MS4A7: variants seen among roughly 807,000 people sequenced by gnomAD.
MS4A7 encodes the protein membrane spanning 4-domains A7.
In MS4A7, 21 loss-of-function variants were observed where a neutral mutation model predicts 23.5. The observed-to-expected ratio is 0.89, with a 90% confidence interval of 0.63 to 1.29. MS4A7 has a LOEUF of 1.29. MS4A7 is among the 50% of genes most tolerant of loss of function. The pLI is 0.00. For missense variants in MS4A7, 263 were observed against 274.2 expected, an observed-to-expected ratio of 0.96 and a Z score of 0.29; for synonymous variants, 111 against 107.4, an observed-to-expected ratio of 1.03 and a Z score of -0.21.
rs758439384 is a variant in MS4A7 at position 60,389,579 on chromosome 11, A to C, written c.529A>C (p.Thr177Pro). 1 of 1,613,676 alleles carries C rather than the reference A, an allele frequency of 6.2e-7. No individual in the cohort carries two copies. Among genetic ancestry groups the C allele is most frequent in the South Asian group, 1.1e-5 (1 of 91,072 alleles). Residue 177 changes from threonine (T) to proline (P), a missense_variant, in exon 5 of 7, where the codon ACC (threonine) becomes CCC (proline). By Grantham distance (38) the Thr-to-Pro change is conservative. Coordinates refer to ENST00000300184, the MANE Select transcript of MS4A7 (RefSeq NM_021201.5). ...ATATGAAATCAAAGATTGTCTCCTG[A>C]CCAGTGTCAGTTTAACAGTGAGTAG... ...PIYEIKDCLLTSVSLTGVLVV... is the reference protein window; with the variant it reads ...PIYEIKDCLLPSVSLTGVLVV...
rs1441431625 is a variant in MS4A7, at chr11:60,395,554, G to A, written c.*1693G>A. 6.6e-6 allele frequency: 1 copy of A among 152,008 alleles called. No homozygotes were observed. Among genetic ancestry groups the A allele is most frequent in the Non-Finnish European group, 1.5e-5 (1 of 67,970 alleles). The allele number at this position is 152,008 out of a possible 1,614,324, so 9.4% of individuals were successfully genotyped here. A position where few individuals can be genotyped will look rare whatever the true frequency, so the allele number is the denominator to read the frequency against. ...TTTAGGAATATAAAGGATCAATATG[G>A]GAAGCAAAATTTCTAAAGGCAGTTT... On this transcript the variant is annotated 3_prime_UTR_variant, in exon 7 of 7. Transcript: ENST00000300184.
At position 60,389,570 on chromosome 11, in the gene MS4A7, T is replaced by G; in HGVS notation, c.520T>G (p.Cys174Gly). The stretch of plus-strand genomic sequence containing the variant: ...TTATCCAATATATGAAATCAAAGAT[T>G]GTCTCCTGACCAGTGTCAGTTTAAC... ...YYYPIYEIKD[C>G]LLTSVSLTGV... Residue 174 changes from cysteine (C) to glycine (G), a missense_variant, in exon 5 of 7, where the codon TGT (cysteine) becomes GGT (glycine). Coordinates refer to ENST00000300184, the MANE Select transcript of MS4A7 (RefSeq NM_021201.5). 1.2e-6 allele frequency: 2 copies of G among 1,613,968 alleles called. No homozygotes were observed. Among genetic ancestry groups the G allele is most frequent in the South Asian group, 1.1e-5 (1 of 91,080 alleles).
chr11:60,392,921 A>T lies in MS4A7; in HGVS notation c.648+135A>T, dbSNP rs1289230533. ...CATGTGGAAGGCCACTTTTATAATT[A>T]AAAAAATGAGTTTAACAGTGAAACC... is the stretch of plus-strand genomic sequence containing the variant. On this transcript the variant is annotated intron_variant, in intron 6 of 6. Coordinates refer to ENST00000300184, the MANE Select transcript of MS4A7 (RefSeq NM_021201.5). The T allele has an allele frequency of 3.3e-5, 20 of 612,234 alleles. No homozygotes were observed. The East Asian group carries it at 4.5e-4, about 14-fold the overall frequency. The allele number at this position is 612,234 out of a possible 1,614,324, so 37.9% of individuals were successfully genotyped here.
Position 60,395,197 on chromosome 11 carries a change from T to G in MS4A7, c.*1336T>G, listed in dbSNP as rs1414717582. The G allele has an allele frequency of 2.9e-6, 1 of 345,040 alleles. No individual in the cohort carries two copies. Among genetic ancestry groups the G allele is most frequent in the East Asian group, 4.2e-5 (1 of 23,534 alleles). 21.4% of individuals were successfully genotyped at this position (345,040 alleles called of 1,614,324 possible). A position where few individuals can be genotyped will look rare whatever the true frequency, so the allele number is the denominator to read the frequency against. On this transcript the variant is annotated 3_prime_UTR_variant, in exon 7 of 7. Coordinates refer to ENST00000300184, the MANE Select transcript of MS4A7 (RefSeq NM_021201.5). ...TGCTGCAATTATCTTGTCTGTTCTT[T>G]GTGTAATATGTTCTGTGTGAGCCTC...
rs184442645 is a variant in MS4A7 at position 60,382,182 on chromosome 11, G to A, written c.-13-947G>A. ...GCCCAGCAATGCTGCTGAGTTAGTGGTGGCAGACAACTTGCTCCTGGAATC... is the reference window on the plus strand; with the variant it reads ...GCCCAGCAATGCTGCTGAGTTAGTGATGGCAGACAACTTGCTCCTGGAATC... On this transcript the variant is annotated intron_variant, in intron 1 of 6. Coordinates refer to ENST00000300184, the MANE Select transcript of MS4A7 (RefSeq NM_021201.5). 3.1e-3 allele frequency among the ~76,000 whole-genome samples: 471 copies of A among 152,326 alleles called. 2 individuals are homozygous for A. Among genetic ancestry groups the A allele is most frequent in the Middle Eastern group, 0.017 (5 of 294 alleles).
chr11:60,391,374 A>G (rs2085548306), intron 5 of MS4A7, among the ~76,000 whole-genome samples: 1 of 152,176 alleles, frequency 6.6e-6, no homozygotes, highest in Non-Finnish European at 1.5e-5. Flanking sequence ...ACTACTATCT[A>G]AGGAGATGTC....
At chr11:60,382,607 G>T (rs895098130) in intron 1 of MS4A7, among the ~76,000 whole-genome samples, 3 of 152,192 alleles carry the variant, frequency 2.0e-5, no homozygotes, top group Non-Finnish European at 2.9e-5. Flanking sequence ...ATTCCGGATG[G>T]GACAGGCCAT....
At chr11:60,380,017 G>T (rs1042947736) in intron 1 of MS4A7, among the ~76,000 whole-genome samples, 19 of 152,150 alleles carry the variant, frequency 1.2e-4, no homozygotes, top group Non-Finnish European at 2.6e-4. Flanking sequence ...TACTTTCAGT[G>T]AATTTGACTC....
At chr11:60,390,455 G>T (rs1395661613) in intron 5 of MS4A7, among the ~76,000 whole-genome samples, 1 of 152,120 alleles carries the variant, frequency 6.6e-6, no homozygotes, top group Non-Finnish European at 1.5e-5. Context: ...CATTCCCTTG[G>T]ATCCATCTAT....
In MS4A7 at chr11:60,386,739, C is replaced by A. The variant is rs866594041; in HGVS notation, c.305C>A (p.Ser102Ter). 3.7e-6 allele frequency: 6 copies of A among 1,613,392 alleles called. No individual in the cohort carries two copies. The Middle Eastern group carries it at 8.3e-4, about 222-fold the overall frequency. ...ALCFGITGSLSIISGKQSTKP... is the reference protein window; with the variant it reads ...ALCFGITGSL ...CAGTTTGGCATTACTGGATCCCTCT[C>A]AATTATCTCTGGAAAACAATCAACT... The change falls in exon 4 of 7, where the codon TCA becomes TAA. Residue 102 changes from serine to a stop codon, truncating the protein, a stop_gained. Coordinates refer to ENST00000300184, the MANE Select transcript of MS4A7 (RefSeq NM_021201.5). LOFTEE classifies it high-confidence loss of function.
At chr11:60,382,513 CAATGGTCT>C (rs1436912141) in intron 1 of MS4A7, among the ~76,000 whole-genome samples, 1 of 152,134 alleles carries the variant, frequency 6.6e-6, no homozygotes, top group Non-Finnish European at 1.5e-5. Flanking sequence ...ATTAGAGCTG[CAATGGTCT>C]AATGCTTGGA....
Position 60,395,190 on chromosome 11 carries a change from T to G in MS4A7, c.*1329T>G, listed in dbSNP as rs2085601884. On this transcript the variant is annotated 3_prime_UTR_variant, in exon 7 of 7. Coordinates refer to ENST00000300184, the MANE Select transcript of MS4A7 (RefSeq NM_021201.5). Reference sequence around the variant, plus strand: ...CAGTCATTGCTGCAATTATCTTGTCTGTTCTTTGTGTAATATGTTCTGTGT... The same window carrying G: ...CAGTCATTGCTGCAATTATCTTGTCGGTTCTTTGTGTAATATGTTCTGTGT... The G allele has an allele frequency of 2.8e-6, 1 of 353,420 alleles. No homozygotes were observed. Among genetic ancestry groups the G allele is most frequent in the Non-Finnish European group, 5.1e-6 (1 of 197,460 alleles). The allele number at this position is 353,420 out of a possible 1,614,324, so 21.9% of individuals were successfully genotyped here.
chr11:60,382,660 A>T (rs1158794981), intron 1 of MS4A7, among the ~76,000 whole-genome samples: 1 of 152,182 alleles, frequency 6.6e-6, no homozygotes. Context: ...CATCCTCAAC[A>T]TTTTTACGAA....
intron 2 of MS4A7, among the ~76,000 whole-genome samples, chr11:60,384,354 C>T (rs2085461785): frequency 2.6e-5 from 4 of 152,224 alleles, no homozygotes; most frequent in African/African-American, 9.6e-5. Flanking sequence ...TTGCTCTTAA[C>T]TCTATTCTGC....
chr11:60,384,785 C>G (rs1294923518), intron 2 of MS4A7, among the ~76,000 whole-genome samples: 2 of 152,194 alleles, frequency 1.3e-5, no homozygotes, highest in Non-Finnish European at 2.9e-5. Flanking sequence ...CACTGGACAA[C>G]TTTTTTATCT....
chr11:60,391,158 T>C (rs2135107258), intron 5 of MS4A7, among the ~76,000 whole-genome samples: 1 of 152,302 alleles, frequency 6.6e-6, no homozygotes, highest in South Asian at 2.1e-4. Flanking sequence ...ATTTACTCAA[T>C]TTGTGAAAAT....
At chr11:60,389,345 G>T (rs756121179) in intron 4 of MS4A7, 45 bp from the exon 5 acceptor site, 3 of 1,503,748 alleles carry the variant, frequency 2.0e-6, no homozygotes, top group East Asian at 4.5e-5. Flanking sequence ...ATAGTGTCAC[G>T]TGCTGATTCT....
At chr11:60,388,290 T>G (rs977628949) in intron 4 of MS4A7, among the ~76,000 whole-genome samples, 17 of 152,226 alleles carry the variant, frequency 1.1e-4, no homozygotes, top group Non-Finnish European at 2.1e-4. Context: ...AAGATTCATC[T>G]TCCACATTTT....
intron 5 of MS4A7, among the ~76,000 whole-genome samples, chr11:60,390,426 A>G (rs563759751): frequency 6.6e-6 from 1 of 152,342 alleles, no homozygotes; most frequent in African/African-American, 2.4e-5. Context: ...GAGCACAGGG[A>G]ACCCAAGGTA....
Sources: allele counts gnomAD v4.1 joint callset (sites outside exome capture counted in the v4.1 genomes callset), GRCh38; gene constraint gnomAD v4.1.1; transcripts MANE v1.5; gene names NCBI Gene and HGNC (gene_info 2026-07-23, HGNC 2026-07-21).